WDR70: variants seen among roughly 807,000 people sequenced by gnomAD.
The protein encoded by WDR70 is WD repeat domain 70.
A neutral mutation model predicts 88.6 loss-of-function variants in WDR70; 53 were observed. The observed-to-expected ratio is 0.60, with a 90% CI of 0.48 to 0.75. The LOEUF is 0.75. WDR70 is among the 30% of genes least tolerant of loss of function. The pLI is 0.00. For synonymous variants in WDR70, 280 were observed against 270.0 expected, an observed-to-expected ratio of 1.04 and a Z score of -0.36; for missense variants, 610 against 823.2, an observed-to-expected ratio of 0.74 and a Z score of 3.17.
At chr5:37,714,529 C>CTGAGG (rs1747602260) in intron 13 of WDR70, among the ~76,000 whole-genome samples, 1 of 151,832 alleles carries the variant, frequency 6.6e-6, no homozygotes, top group Admixed American at 6.6e-5. Context: ...AATGACTAGC[C>CTGAGG]CCAGTGCCCC....
intron 8 of WDR70, among the ~76,000 whole-genome samples, chr5:37,508,381 C>T (rs1382058660): frequency 3.9e-5 from 6 of 152,280 alleles, no homozygotes; most frequent in Non-Finnish European, 8.8e-5. Flanking sequence ...TCACCAACTT[C>T]CAGAATTATG....
intron 17 of WDR70, among the ~76,000 whole-genome samples, chr5:37,734,202 A>G (rs773097881): frequency 2.6e-5 from 4 of 152,124 alleles, no homozygotes; most frequent in Non-Finnish European, 4.4e-5. Flanking sequence ...TAAAATAACC[A>G]TCAGTGATAG....
intron 10 of WDR70, among the ~76,000 whole-genome samples, chr5:37,626,787 T>G (rs936504260): frequency 6.6e-6 from 1 of 152,134 alleles, no homozygotes; most frequent in East Asian, 1.9e-4. Context: ...CTACTGATTC[T>G]CTCTCATGAC....
intron 9 of WDR70, among the ~76,000 whole-genome samples, chr5:37,543,442 T>C (rs1391461614): frequency 6.6e-6 from 1 of 152,176 alleles, no homozygotes; most frequent in Admixed American, 6.6e-5. Flanking sequence ...ATATGCACTT[T>C]CTTTTAAATG....
intron 5 of WDR70, among the ~76,000 whole-genome samples, chr5:37,412,983 A>C (rs1021447966): frequency 1.3e-5 from 2 of 152,114 alleles, no homozygotes; most frequent in African/African-American, 4.8e-5. Flanking sequence ...TTTAAATTTA[A>C]TTGAAGTTGA....
intron 5 of WDR70, among the ~76,000 whole-genome samples, chr5:37,410,193 G>GTTTT (rs952637754): frequency 8.9e-4 from 106 of 119,418 alleles, no homozygotes; most frequent in Non-Finnish European, 1.3e-3. Flanking sequence ...GAGTTTGTTA[G>GTTTT]TTTTTTTTTT....
At chr5:37,723,074 C>A in intron 15 of WDR70, 140 bp downstream of exon 15, 2 of 912,294 alleles carry the variant, frequency 2.2e-6, no homozygotes, top group Non-Finnish European at 1.7e-6. Context: ...GATAGGACTA[C>A]GAGTCATGTA....
At chr5:37,665,008 G>A (rs6898271) in intron 10 of WDR70, among the ~76,000 whole-genome samples, 16,194 of 152,222 alleles carry the variant, frequency 0.11, 2,755 homozygotes, top group African/African-American at 0.36. Flanking sequence ...GTACGAATAT[G>A]TAGGTCTTTT....
chr5:37,504,989 A>C lies in WDR70; in HGVS notation c.841-11525A>C, dbSNP rs1311239860. Among the ~76,000 whole-genome samples the C allele has an allele frequency of 6.6e-5, 10 of 152,212 alleles. No homozygotes were observed. The South Asian group carries it at 1.0e-3, about 16-fold the overall frequency. On this transcript the variant is annotated intron_variant, in intron 8 of 17. Transcript: ENST00000265107. ...GCTGAAATTTGTTTTAAAAAAACCC[A>C]AAAAATATAAGTAAAAGAATCACAG...
In WDR70 at chr5:37,541,175, A is replaced by G. The variant is rs1317979879; in HGVS notation, c.917+24585A>G. Among the ~76,000 whole-genome samples, 5 of 152,220 alleles carry G rather than the reference A, an allele frequency of 3.3e-5. No homozygotes were observed. The East Asian group carries it at 7.7e-4, about 23-fold the overall frequency. On this transcript the variant is annotated intron_variant, in intron 9 of 17. Transcript: ENST00000265107. ...GTGGCAGAATAGTCCCTTCACTGTG[A>G]GTGACTTAACCCATTTTCACTGTGC... is the stretch of plus-strand genomic sequence containing the variant.
At chr5:37,680,809 G>A (rs1308931261) in intron 10 of WDR70, among the ~76,000 whole-genome samples, 4 of 152,172 alleles carry the variant, frequency 2.6e-5, no homozygotes, top group African/African-American at 7.2e-5. Flanking sequence ...TTACCCTGTA[G>A]TATAGTGTGA....
chr5:37,380,515 T>G (rs1431794750), intron 2 of WDR70, among the ~76,000 whole-genome samples: 1 of 152,008 alleles, frequency 6.6e-6, no homozygotes, highest in Non-Finnish European at 1.5e-5. Context: ...ATTTTTTTTT[T>G]GTATTTTTAG....
chr5:37,413,179 G>C (rs1281311289), intron 5 of WDR70, among the ~76,000 whole-genome samples: 3 of 152,110 alleles, frequency 2.0e-5, no homozygotes, highest in Non-Finnish European at 4.4e-5. Flanking sequence ...TTTCGAAACT[G>C]CTAATGTGTG....
intron 9 of WDR70, among the ~76,000 whole-genome samples, chr5:37,539,294 G>T (rs965855468): frequency 5.3e-5 from 8 of 152,108 alleles, no homozygotes; most frequent in Non-Finnish European, 7.4e-5. Context: ...GGTGTTATGG[G>T]CTGAATTGGC....
chr5:37,455,308 G>A (rs892993390), intron 7 of WDR70, among the ~76,000 whole-genome samples: 5 of 147,412 alleles, frequency 3.4e-5, no homozygotes, highest in African/African-American at 1.0e-4. Flanking sequence ...GCAGTAGCAC[G>A]ATCTTGGTTC....
At chr5:37,726,278 C>T (rs921790901) in intron 16 of WDR70, among the ~76,000 whole-genome samples, 1 of 152,030 alleles carries the variant, frequency 6.6e-6, no homozygotes, top group African/African-American at 2.4e-5. Context: ...TGTTATTTGG[C>T]TTTTCATATG....
intron 10 of WDR70, among the ~76,000 whole-genome samples, chr5:37,633,191 C>T (rs1744866119): frequency 2.0e-5 from 3 of 151,960 alleles, no homozygotes; most frequent in Admixed American, 2.0e-4. Flanking sequence ...GTTTAGTGAC[C>T]CATGACTGTA....
At chr5:37,407,669 C>A (rs555966116) in intron 5 of WDR70, among the ~76,000 whole-genome samples, 10 of 152,076 alleles carry the variant, frequency 6.6e-5, no homozygotes, top group African/African-American at 2.2e-4. Flanking sequence ...CGTAGGCTAT[C>A]TGTGCTTTTT....
At chr5:37,678,789 A>G (rs1433881418) in intron 10 of WDR70, among the ~76,000 whole-genome samples, 3 of 152,260 alleles carry the variant, frequency 2.0e-5, no homozygotes, top group South Asian at 2.1e-4. Context: ...GCCTTGCTAG[A>G]TTGGGGAAAT....
Sources: allele counts gnomAD v4.1 joint callset (sites outside exome capture counted in the v4.1 genomes callset), GRCh38; gene constraint gnomAD v4.1.1; transcripts MANE v1.5; gene names NCBI Gene and HGNC (gene_info 2026-07-23, HGNC 2026-07-21).